Variants in PLCH1 observed in about 807,000 individuals in gnomAD.
The protein encoded by PLCH1 is phospholipase C eta 1.
In PLCH1, 60 loss-of-function variants were observed where a neutral mutation model predicts 126.7. The observed-to-expected ratio is 0.47, with a 90% confidence interval of 0.38 to 0.59. The LOEUF (loss-of-function observed/expected upper bound fraction) is 0.59. PLCH1 is among the 20% of genes least tolerant of loss of function. The probability of loss-of-function intolerance (pLI) is 0.00; values close to 1 mark genes in which losing one functional copy is unlikely to be tolerated. For missense variants in PLCH1, 1,723 were observed against 2,040.0 expected, an observed-to-expected ratio of 0.84 and a Z score of 2.99; for synonymous variants, 719 against 734.9, an observed-to-expected ratio of 0.98 and a Z score of 0.35.
At chr3:155,543,795 A>G (rs541279514) in intron 10 of PLCH1, among the ~76,000 whole-genome samples, 22 of 151,052 alleles carry the variant, frequency 1.5e-4, no homozygotes, top group African/African-American at 5.1e-4. Context: ...ACTAAGCTTC[A>G]TAAGTGAAGG....
At chr3:155,546,653 A>G (rs1169190945) in intron 10 of PLCH1, among the ~76,000 whole-genome samples, 3 of 152,126 alleles carry the variant, frequency 2.0e-5, no homozygotes, top group African/African-American at 7.2e-5. Flanking sequence ...ACAAGGCTAC[A>G]GTAACCAAAA....
intron 2 of PLCH1, among the ~76,000 whole-genome samples, chr3:155,651,148 G>A (rs937760470): frequency 1.3e-5 from 2 of 152,152 alleles, no homozygotes; most frequent in African/African-American, 4.8e-5. Flanking sequence ...ATAGACTAGG[G>A]GGAAAAATGT....
At chr3:155,588,724 G>A (rs1430283683) in intron 4 of PLCH1, among the ~76,000 whole-genome samples, 6 of 152,098 alleles carry the variant, frequency 3.9e-5, no homozygotes, top group African/African-American at 7.2e-5. Flanking sequence ...TAGGGAACTG[G>A]TAAAGTAAAA....
intron 21 of PLCH1, among the ~76,000 whole-genome samples, chr3:155,469,098 C>G (rs1272276948): frequency 6.6e-6 from 1 of 152,104 alleles, no homozygotes; most frequent in African/African-American, 2.4e-5. Context: ...AGGAACAGCT[C>G]CGGTCTACAG....
intron 4 of PLCH1, among the ~76,000 whole-genome samples, chr3:155,588,563 C>T (rs1020004792): frequency 2.0e-5 from 3 of 152,118 alleles, no homozygotes; most frequent in Non-Finnish European, 4.4e-5. Flanking sequence ...AATTCTTTAT[C>T]GAAGCCTCTC....
At chr3:155,598,949 G>T (rs905894638) in intron 2 of PLCH1, among the ~76,000 whole-genome samples, 3 of 151,546 alleles carry the variant, frequency 2.0e-5, no homozygotes, top group African/African-American at 4.9e-5. Context: ...AACAGATGAG[G>T]TCATGCAAGT....
rs1483698880 is a variant in PLCH1, at chr3:155,482,391, G to T, written c.3635C>A (p.Thr1212Asn). The T allele has an allele frequency of 3.1e-6, 5 of 1,614,086 alleles. No homozygotes were observed. The highest frequency in any genetic ancestry group is 3.4e-6 in the Non-Finnish European group (4 of 1,179,972). The part of the protein sequence containing the change: ...ALTVVSHLHN[T>N]SVMSGHCPLP... ...GGGACAATGGCCTGACATCACACTGGTATTATGAAGATGAGAAACAACTGT... is the reference window on the plus strand; with the variant it reads ...GGGACAATGGCCTGACATCACACTGTTATTATGAAGATGAGAAACAACTGT... Residue 1212 changes from threonine (T) to asparagine (N), a missense_variant, in exon 23 of 23, where the codon ACC (threonine) becomes AAC (asparagine). Physicochemically the swap from Thr to Asn is moderately conservative, Grantham distance 65. This residue lies in a region of PLCH1 where 947 missense variants were observed against 977.1 expected (regional missense o/e 0.97). Transcript: ENST00000460012.
intron 2 of PLCH1, among the ~76,000 whole-genome samples, chr3:155,647,394 G>A (rs1173031931): frequency 6.6e-6 from 1 of 151,340 alleles, no homozygotes; most frequent in East Asian, 2.0e-4. Flanking sequence ...ATGTTTCTGG[G>A]GACAGCACTA....
intron 10 of PLCH1, among the ~76,000 whole-genome samples, chr3:155,537,978 A>T (rs1723672132): frequency 6.6e-6 from 1 of 152,164 alleles, no homozygotes; most frequent in Admixed American, 6.6e-5. Context: ...ACATTCTCCA[A>T]GACAGACCAT....
chr3:155,709,917 C>T (rs1264623623), intron 1 of PLCH1, among the ~76,000 whole-genome samples: 1 of 152,088 alleles, frequency 6.6e-6, no homozygotes, highest in Non-Finnish European at 1.5e-5. Context: ...CATTCCTGGC[C>T]TTTTTAAAAA....
At chr3:155,497,461 A>T (rs1195721444) in intron 14 of PLCH1, 44 bp from the exon 15 acceptor site, 2 of 1,388,998 alleles carry the variant, frequency 1.4e-6, no homozygotes, top group South Asian at 2.3e-5. Context: ...TGGAGTTGAA[A>T]GAGGTTTGGG....
chr3:155,513,449 G>A (rs1719880549), intron 12 of PLCH1, among the ~76,000 whole-genome samples: 1 of 152,124 alleles, frequency 6.6e-6, no homozygotes, highest in African/African-American at 2.4e-5. Flanking sequence ...TTTCCAATGA[G>A]AATAATCTAG....
At chr3:155,729,575 C>A (rs139818040) in intron 1 of PLCH1, among the ~76,000 whole-genome samples, 5 of 152,226 alleles carry the variant, frequency 3.3e-5, no homozygotes, top group Admixed American at 3.3e-4. Context: ...AGGAAAATTA[C>A]TAAAGAATAT....
chr3:155,611,776 G>A (rs1735133107), intron 2 of PLCH1, among the ~76,000 whole-genome samples: 1 of 152,076 alleles, frequency 6.6e-6, no homozygotes, highest in Admixed American at 6.6e-5. Context: ...CATGAAAAAA[G>A]TCTCAACAAA....
rs556586052 is a variant in PLCH1 at position 155,738,242 on chromosome 3, A to G, written c.-41+6598T>C. ...AATTCCAAGACAGAGTCCAGCACCCACTTTTTTTGAAACCCTTAGCATTTT... is the reference window on the plus strand; with the variant it reads ...AATTCCAAGACAGAGTCCAGCACCCGCTTTTTTTGAAACCCTTAGCATTTT... On this transcript the variant is annotated intron_variant, in intron 1 of 22. Transcript: ENST00000460012. 1.0e-3 allele frequency among the ~76,000 whole-genome samples: 153 copies of G among 152,296 alleles called. 1 individual carries two copies. The highest frequency in any genetic ancestry group is 3.4e-3 in the Middle Eastern group (1 of 294).
intron 2 of PLCH1, among the ~76,000 whole-genome samples, chr3:155,688,011 T>C (rs977517806): frequency 3.9e-5 from 6 of 152,202 alleles, no homozygotes; most frequent in Admixed American, 1.3e-4. Context: ...ACATGGATTA[T>C]GTTACATTAT....
chr3:155,646,195 A>T (rs1300250635), intron 2 of PLCH1, among the ~76,000 whole-genome samples: 4 of 152,198 alleles, frequency 2.6e-5, no homozygotes, highest in Admixed American at 2.0e-4. Context: ...ATGTGAAAGC[A>T]TTAGGATACA....
chr3:155,534,336 A>C (rs1029109394), intron 10 of PLCH1, among the ~76,000 whole-genome samples: 1 of 152,218 alleles, frequency 6.6e-6, no homozygotes, highest in Non-Finnish European at 1.5e-5. Flanking sequence ...AGATTTAATG[A>C]GTGCCCTGTT....
chr3:155,538,132 T>C (rs566034773), intron 10 of PLCH1, among the ~76,000 whole-genome samples: 4 of 152,094 alleles, frequency 2.6e-5, no homozygotes, highest in African/African-American at 4.8e-5. Context: ...AATTAAATAA[T>C]CTGCTCCTGA....
Sources: gnomAD v4.1 joint callset for allele counts (sites outside exome capture counted in the v4.1 genomes callset) on GRCh38, gnomAD v4.1.1 for gene constraint, gnomAD v4.1.1 regional missense constraint, MANE v1.5 for transcripts, NCBI Gene and HGNC (gene_info 2026-07-23, HGNC 2026-07-21) for gene names.